LRRC37A2: variants seen among roughly 807,000 people sequenced by gnomAD.
LRRC37A2 encodes the protein leucine rich repeat containing 37 member A2.
In LRRC37A2, 9 loss-of-function variants were observed where a neutral mutation model predicts 68.8. That is an observed-to-expected ratio of 0.13 (90% CI 0.08 to 0.23). LRRC37A2 has a LOEUF of 0.23. Ranked by LOEUF, LRRC37A2 falls within the 10% of genes least tolerant of loss-of-function variation. LRRC37A2 has a pLI of 1.00. For missense variants in LRRC37A2, 168 were observed against 950.4 expected (o/e 0.18, Z 10.82); for synonymous variants, 63 against 367.6 (o/e 0.17, Z 9.48).
At chr17:46,940,963 TCA>T in the LRRC37A2 span, 1 of 1,231,282 alleles carries the variant, frequency 8.1e-7, no homozygotes, top group Non-Finnish European at 1.0e-6. Context: ...CTCCACCGCC[TCA>T]GTGTAGGGAA....
At chr17:46,487,227 T>G in the LRRC37A2 span, 1 of 447,584 alleles carries the variant, frequency 2.2e-6, no homozygotes, top group African/African-American at 2.9e-5. Flanking sequence ...TACTCAGTAT[T>G]ATGGAAGGTT....
At chr17:46,882,718 G>A in the LRRC37A2 span, among the ~76,000 whole-genome samples, 4 of 152,116 alleles carry the variant, frequency 2.6e-5, no homozygotes, top group African/African-American at 9.7e-5. Flanking sequence ...TCTTGCAACC[G>A]ATCATGCAGC....
chr17:46,862,975 G>A, the LRRC37A2 span, among the ~76,000 whole-genome samples: 1 of 152,244 alleles, frequency 6.6e-6, no homozygotes, highest in African/African-American at 2.4e-5. Context: ...ATCTTCCCCA[G>A]GAACTGAGGT....
the LRRC37A2 span, among the ~76,000 whole-genome samples, chr17:46,903,352 C>A: frequency 6.6e-6 from 1 of 151,888 alleles, no homozygotes; most frequent in African/African-American, 2.4e-5. Flanking sequence ...GTCTGCAGTC[C>A]CCAGATGTGT....
the LRRC37A2 span, among the ~76,000 whole-genome samples, chr17:46,999,009 C>T: frequency 6.6e-6 from 1 of 152,218 alleles, no homozygotes; most frequent in Admixed American, 6.5e-5. Flanking sequence ...CCCTCCCAGA[C>T]CATCATGGAT....
chr17:46,931,239 C>T, the LRRC37A2 span: 1 of 998,936 alleles, frequency 1.0e-6, no homozygotes, highest in Non-Finnish European at 1.6e-6. Flanking sequence ...GGCTCTGATA[C>T]TCCAGGCCCA....
the LRRC37A2 span, chr17:47,007,925 A>G: frequency 6.6e-6 from 1 of 152,166 alleles, no homozygotes; most frequent in Non-Finnish European, 1.5e-5. Context: ...CACATTACAC[A>G]TTACTCTTAA....
the LRRC37A2 span, among the ~76,000 whole-genome samples, chr17:46,899,936 C>A: frequency 6.6e-6 from 1 of 151,558 alleles, no homozygotes; most frequent in Admixed American, 6.6e-5. Flanking sequence ...TATAGGGGTA[C>A]AACCTCAGCT....
At chr17:46,738,485 CT>C in the LRRC37A2 span, among the ~76,000 whole-genome samples, 1 of 152,066 alleles carries the variant, frequency 6.6e-6, no homozygotes, top group Non-Finnish European at 1.5e-5. Context: ...GTATAATAAA[CT>C]CTATGTTAAT....
the LRRC37A2 span, among the ~76,000 whole-genome samples, chr17:46,377,571 C>CT: frequency 9.0e-3 from 350 of 38,684 alleles, 4 homozygotes; most frequent in Middle Eastern, 0.034. Context: ...ATCACTGGAT[C>CT]TTTTTTTTTT....
the LRRC37A2 span, among the ~76,000 whole-genome samples, chr17:46,470,663 A>AAAT: frequency 3.7e-5 from 3 of 81,248 alleles, no homozygotes; most frequent in African/African-American, 1.1e-4. Context: ...ATAAAAATAA[A>AAAT]AATAAATTTT....
At chr17:46,818,440 C>G in the LRRC37A2 span, 2 of 1,447,262 alleles carry the variant, frequency 1.4e-6, no homozygotes, top group Non-Finnish European at 1.9e-6. Flanking sequence ...TGCAGCGGCC[C>G]ACCCCCAGCC....
the LRRC37A2 span, among the ~76,000 whole-genome samples, chr17:46,870,237 C>T: frequency 1.3e-5 from 2 of 152,166 alleles, no homozygotes; most frequent in Non-Finnish European, 1.5e-5. Context: ...GCCACTCACA[C>T]CAGCCCTCGG....
the LRRC37A2 span, chr17:46,923,393 C>T: frequency 5.5e-6 from 8 of 1,459,316 alleles, no homozygotes; most frequent in Non-Finnish European, 7.2e-6. Context: ...CCCAGGTCAG[C>T]CACAGACAGT....
the LRRC37A2 span, among the ~76,000 whole-genome samples, chr17:47,006,109 T>C: frequency 7.6e-4 from 116 of 151,642 alleles, no homozygotes; most frequent in African/African-American, 2.6e-3. Context: ...GAGAAGGAGG[T>C]TGTGGTGGGC....
At chr17:46,961,418 C>T in the LRRC37A2 span, among the ~76,000 whole-genome samples, 1 of 151,968 alleles carries the variant, frequency 6.6e-6, no homozygotes, top group Admixed American at 6.6e-5. Flanking sequence ...ATCTATCGTC[C>T]CAGCTATTTG....
chr17:46,996,641 C>T, the LRRC37A2 span, among the ~76,000 whole-genome samples: 1 of 152,216 alleles, frequency 6.6e-6, no homozygotes, highest in African/African-American at 2.4e-5. Flanking sequence ...CTTAAAACAA[C>T]CACTTTATTA....
chr17:46,943,997 C>T, the LRRC37A2 span, among the ~76,000 whole-genome samples: 1 of 152,154 alleles, frequency 6.6e-6, no homozygotes, highest in African/African-American at 2.4e-5. Flanking sequence ...AGGCTGACTC[C>T]TGGCTTAGCA....
At chr17:46,780,046 C>CT in the LRRC37A2 span, among the ~76,000 whole-genome samples, 2 of 152,204 alleles carry the variant, frequency 1.3e-5, no homozygotes, top group Non-Finnish European at 2.9e-5. Context: ...CGTAAGCCAC[C>CT]ATGCCTGGCC....
Sources: gnomAD v4.1 joint callset for allele counts (sites outside exome capture counted in the v4.1 genomes callset) on GRCh38, gnomAD v4.1.1 for gene constraint, MANE v1.5 for transcripts, NCBI Gene and HGNC (gene_info 2026-07-23, HGNC 2026-07-21) for gene names.